MEGF11: variants seen among roughly 807,000 people sequenced by gnomAD.
The protein encoded by MEGF11 is multiple EGF like domains 11.
Under a neutral mutation model 146.6 loss-of-function variants are expected in MEGF11, and 126 were observed. The observed-to-expected ratio is 0.86, with a 90% CI of 0.74 to 1.00. MEGF11 has a LOEUF of 1.00. MEGF11 is among the 50% of genes least tolerant of loss of function. The probability of loss-of-function intolerance (pLI) is 0.00; values close to 1 mark genes in which losing one functional copy is unlikely to be tolerated. For synonymous variants in MEGF11, 532 were observed against 583.4 expected (o/e 0.91, Z 1.27); for missense variants, 1,509 against 1,521.2 (o/e 0.99, Z 0.13).
At chr15:66,200,323 C>T (rs1473113721) in intron 1 of MEGF11, among the ~76,000 whole-genome samples, 1 of 152,202 alleles carries the variant, frequency 6.6e-6, no homozygotes, top group Non-Finnish European at 1.5e-5. Context: ...ACAAATAAAA[C>T]AGAAACAAAC....
intron 1 of MEGF11, among the ~76,000 whole-genome samples, chr15:66,201,436 G>A (rs6494556): frequency 0.29 from 44,256 of 151,972 alleles, 6,885 homozygotes; most frequent in East Asian, 0.58. Flanking sequence ...GACACCAGGG[G>A]GAAGAAAGGG....
intron 5 of MEGF11, among the ~76,000 whole-genome samples, chr15:65,996,083 T>C (rs1425960298): frequency 6.6e-6 from 1 of 152,190 alleles, no homozygotes; most frequent in African/African-American, 2.4e-5. Flanking sequence ...ACTGGGGTCC[T>C]AGTCCAGGTC....
chr15:66,218,979 CAAAA>C lies in MEGF11; in HGVS notation c.-9+34622_-9+34625del, dbSNP rs71139474. Among the ~76,000 whole-genome samples, 5 of 86,942 alleles carry C rather than the reference CAAAA, an allele frequency of 5.8e-5. 1 individual carries two copies. The highest frequency in any genetic ancestry group is 1.9e-4 in the African/African-American group (3 of 15,972). 57.0% of individuals were successfully genotyped at this position (86,942 alleles called of 152,430 possible). ...ATCAGAACAACTGGATATCCACAGG[CAAAA>C]AAAAAAAAAAAAACCTTAACCTAAA... On this transcript the variant is annotated intron_variant, in intron 1 of 25. Coordinates refer to ENST00000395614, the MANE Select transcript of MEGF11 (RefSeq NM_001385028.1).
At chr15:66,081,524 G>A (rs546782933) in intron 5 of MEGF11, among the ~76,000 whole-genome samples, 3 of 152,224 alleles carry the variant, frequency 2.0e-5, no homozygotes, top group South Asian at 2.1e-4. Context: ...GATTACAGGC[G>A]CCCTCCACCA....
In MEGF11 at chr15:66,156,158, C is replaced by T. The variant is rs536424368; in HGVS notation, c.-8-27747G>A. Among the ~76,000 whole-genome samples, 11 of 152,228 alleles carry T rather than the reference C, an allele frequency of 7.2e-5. No individual in the cohort carries two copies. The East Asian group carries it at 1.5e-3, about 21-fold the overall frequency. ...TCCAGGTTGGAAGGAGGGTCAGAGG[C>T]CCCCGAACCAACTTCCTGCCCAGCA... On this transcript the variant is annotated intron_variant, in intron 1 of 25. Transcript: ENST00000395614.
Position 65,916,919 on chromosome 15 carries a change from G to T in MEGF11, c.2124C>A (p.His708Gln), listed in dbSNP as rs763872123. The T allele has an allele frequency of 1.3e-6, 2 of 1,564,626 alleles. No homozygotes were observed. Among genetic ancestry groups the T allele is most frequent in the East Asian group, 4.7e-5 (2 of 42,830 alleles). ...TCGCCCCGTTGTGGCAGCTGCATGC[G>T]TGGAAGCAGGCGGGGCCCCAGAACC... ...PPGFWGPACF[H>Q]ACSCHNGASC... The change falls in exon 17 of 26, where the codon CAC becomes CAA. Residue 708 changes from histidine to glutamine, a missense_variant. Transcript: ENST00000395614.
At chr15:66,086,904 T>C (rs1011556010) in intron 5 of MEGF11, among the ~76,000 whole-genome samples, 1 of 152,182 alleles carries the variant, frequency 6.6e-6, no homozygotes, top group African/African-American at 2.4e-5. Flanking sequence ...GGATAAGAAC[T>C]CACCAACCAT....
chr15:66,063,078 C>A (rs1346074285), intron 5 of MEGF11, among the ~76,000 whole-genome samples: 1 of 152,144 alleles, frequency 6.6e-6, no homozygotes, highest in African/African-American at 2.4e-5. Context: ...GTCACTGAAC[C>A]ATAGAGTGTT....
intron 9 of MEGF11, 103 bp from the exon 10 acceptor site, chr15:65,957,824 C>T: frequency 9.4e-7 from 1 of 1,062,646 alleles, no homozygotes; most frequent in Non-Finnish European, 1.4e-6. Context: ...GTAGCAGGAT[C>T]AAAGGACCTC....
chr15:65,971,870 G>A (rs918426614), intron 7 of MEGF11, among the ~76,000 whole-genome samples: 4 of 152,034 alleles, frequency 2.6e-5, no homozygotes, highest in Admixed American at 6.6e-5. Flanking sequence ...TAGGAACCAT[G>A]CCTGGAGCAA....
intron 1 of MEGF11, among the ~76,000 whole-genome samples, chr15:66,163,878 G>A (rs976428898): frequency 4.6e-5 from 7 of 152,172 alleles, no homozygotes; most frequent in African/African-American, 1.7e-4. Flanking sequence ...CGTCATATTC[G>A]AGAAGAGCTT....
rs777408664 is a variant in MEGF11, at chr15:65,913,757, CT to C, written c.2689del (p.Ser897AlafsTer66). The C allele has an allele frequency of 6.2e-7, 1 of 1,612,962 alleles. No homozygotes were observed. Among genetic ancestry groups the C allele is most frequent in the Non-Finnish European group, 8.5e-7 (1 of 1,179,506 alleles). The stretch of plus-strand genomic sequence containing the variant: ...CTTACCTGAGAGGGAGTAGTCGGTG[CT>C]GGTCATCCTCATGGCAGGTGTGTAG... ...VSYTPAMRMTSTDYSLSDLSQ... is the reference protein window; with the variant it reads ...VSYTPAMRMTXTDYSLSDLSQ... On this transcript the variant is annotated frameshift_variant, in exon 20 of 26. Transcript: ENST00000395614. LOFTEE classifies it high-confidence loss of function.
chr15:66,116,530 G>A (rs577450204), intron 4 of MEGF11, among the ~76,000 whole-genome samples: 14 of 152,272 alleles, frequency 9.2e-5, no homozygotes, highest in Admixed American at 2.0e-4. Context: ...TGCATCTTGC[G>A]TAGCAAGAAG....
intron 4 of MEGF11, among the ~76,000 whole-genome samples, chr15:66,103,817 T>A (rs1019184511): frequency 6.6e-6 from 1 of 152,208 alleles, no homozygotes; most frequent in Non-Finnish European, 1.5e-5. Context: ...CTGCAACCCA[T>A]GGTCCTTAAG....
chr15:66,077,933 A>G (rs1213188153), intron 5 of MEGF11, among the ~76,000 whole-genome samples: 2 of 152,190 alleles, frequency 1.3e-5, no homozygotes, highest in African/African-American at 4.8e-5. Flanking sequence ...GGGGCCAGGA[A>G]GGCCGGGCCA....
At chr15:65,997,616 T>G (rs2082240638) in intron 5 of MEGF11, among the ~76,000 whole-genome samples, 2 of 152,242 alleles carry the variant, frequency 1.3e-5, no homozygotes, top group Admixed American at 1.3e-4. Flanking sequence ...TTTCATCCTT[T>G]TGTTTACTGT....
intron 5 of MEGF11, among the ~76,000 whole-genome samples, chr15:66,050,077 T>C (rs531214314): frequency 1.2e-4 from 19 of 152,178 alleles, no homozygotes; most frequent in Non-Finnish European, 2.6e-4. Context: ...AAAATATAAT[T>C]GAGACAGGGT....
At chr15:66,253,098 A>T (rs1171556511) in intron 1 of MEGF11, among the ~76,000 whole-genome samples, 1 of 152,212 alleles carries the variant, frequency 6.6e-6, no homozygotes, top group Non-Finnish European at 1.5e-5. Flanking sequence ...CGCGGGGCGC[A>T]TCGCCGGCCG....
In MEGF11 at chr15:65,895,435, TTTCA is replaced by T. The variant is rs1394131854; in HGVS notation, c.*2495_*2498del. On this transcript the variant is annotated 3_prime_UTR_variant, in exon 26 of 26. Coordinates refer to ENST00000395614, the MANE Select transcript of MEGF11 (RefSeq NM_001385028.1). ...TACCTCTGTACAATAATGGTTTTTC[TTTCA>T]TTCATTTTAATTGTACACATATTAA... 9 of 152,796 alleles carry T rather than the reference TTTCA, an allele frequency of 5.9e-5. No individual in the cohort carries two copies. In the East Asian group the frequency reaches 9.6e-4, roughly 16 times the overall value. The allele number at this position is 152,796 out of a possible 1,614,324, so 9.5% of individuals were successfully genotyped here.
Sources: allele counts gnomAD v4.1 joint callset (sites outside exome capture counted in the v4.1 genomes callset), GRCh38; gene constraint gnomAD v4.1.1; transcripts MANE v1.5; gene names NCBI Gene and HGNC (gene_info 2026-07-23, HGNC 2026-07-21).